SEC24D: variants seen among roughly 807,000 people sequenced by gnomAD.
The protein encoded by SEC24D is protein transport protein Sec24D.
In SEC24D, 69 loss-of-function variants were observed where a neutral mutation model predicts 116.9. The observed-to-expected ratio is 0.59, with a 90% CI of 0.49 to 0.72. The LOEUF (loss-of-function observed/expected upper bound fraction) is 0.72. SEC24D is among the 30% of genes least tolerant of loss of function. The probability of loss-of-function intolerance (pLI) is 0.00; values close to 1 mark genes in which losing one functional copy is unlikely to be tolerated. For missense variants in SEC24D, 1,131 were observed against 1,264.1 expected (o/e 0.89, Z 1.60); for synonymous variants, 405 against 442.8 (o/e 0.91, Z 1.07).
At chr4:118,834,478 T>C (rs1374951765) in intron 1 of SEC24D, among the ~76,000 whole-genome samples, 5 of 151,726 alleles carry the variant, frequency 3.3e-5, no homozygotes, top group Non-Finnish European at 7.4e-5. Context: ...AACAGACTCA[T>C]CTTGATTTTT....
At chr4:118,746,730 C>G (rs906835148) in intron 13 of SEC24D, among the ~76,000 whole-genome samples, 13 of 152,116 alleles carry the variant, frequency 8.5e-5, no homozygotes, top group Non-Finnish European at 1.6e-4. Flanking sequence ...TGCAAAGGCA[C>G]AGTGTGCCTG....
Position 118,794,339 on chromosome 4 carries a change from T to C in SEC24D, c.1041+3344A>G, listed in dbSNP as rs145032169. ...GGGTGTGAACAATTGCTGAGTTTTG[T>C]TCTATTTCATGCATATTTGACCCAG... On this transcript the variant is annotated intron_variant, in intron 8 of 22. Transcript: ENST00000280551. Among the ~76,000 whole-genome samples, 757 of 152,268 alleles carry C rather than the reference T, an allele frequency of 5.0e-3. 5 individuals carry two copies. Among genetic ancestry groups the C allele is most frequent in the African/African-American group, 0.017 (726 of 41,536 alleles).
At chr4:118,731,719 G>A (rs571666968) in intron 20 of SEC24D, among the ~76,000 whole-genome samples, 5 of 152,220 alleles carry the variant, frequency 3.3e-5, no homozygotes, top group Admixed American at 1.3e-4. Context: ...CATAAAATAA[G>A]TAAAATATAC....
intron 6 of SEC24D, among the ~76,000 whole-genome samples, chr4:118,809,193 C>T (rs1226891759): frequency 2.0e-5 from 3 of 151,872 alleles, no homozygotes; most frequent in African/African-American, 7.3e-5. Context: ...AGGATGGTCT[C>T]GATCTCCTGA....
chr4:118,780,916 T>A (rs1046583830), intron 8 of SEC24D, among the ~76,000 whole-genome samples: 2 of 137,130 alleles, frequency 1.5e-5, no homozygotes, highest in Non-Finnish European at 3.1e-5. Flanking sequence ...GCTTTTTTTT[T>A]TTTTTTTTTT....
intron 15 of SEC24D, among the ~76,000 whole-genome samples, chr4:118,743,280 G>C (rs555832915): frequency 6.6e-6 from 1 of 151,898 alleles, no homozygotes; most frequent in East Asian, 1.9e-4. Context: ...GGATGAATGA[G>C]CTCATTCTAT....
At chr4:118,743,873 T>G (rs1350965333) in intron 15 of SEC24D, 115 bp downstream of exon 15, 5 of 940,126 alleles carry the variant, frequency 5.3e-6, no homozygotes, top group Admixed American at 2.9e-5. Flanking sequence ...CATCTGCTCT[T>G]GAATTTATAT....
chr4:118,826,195 AT>A (rs1468777664), intron 2 of SEC24D, among the ~76,000 whole-genome samples: 6 of 152,178 alleles, frequency 3.9e-5, no homozygotes, highest in African/African-American at 1.4e-4. Context: ...CTACACTTTA[AT>A]ACAAAGTTCT....
rs760295849 is a variant in SEC24D, at chr4:118,833,599, G to A, written c.98C>T (p.Ser33Leu). The change falls in exon 2 of 23, where the codon TCG (serine) becomes TTG (leucine). Residue 33 changes from serine (S) to leucine (L), a missense_variant. Transcript: ENST00000280551. ...PPHYGHYGDP[S>L]HTASPTGMMK... The stretch of plus-strand genomic sequence containing the variant: ...TGTACCTGTTGGAGATGCTGTGTGC[G>A]ACGGATCCCCATAGTGCCCATAATG... 1.9e-6 allele frequency: 3 copies of A among 1,612,712 alleles called. No individual in the cohort carries two copies. The highest frequency in any genetic ancestry group is 3.3e-5 in the Admixed American group (2 of 59,954).
chr4:118,817,242 A>G, intron 4 of SEC24D, 22 bp downstream of exon 4: 2 of 1,576,566 alleles, frequency 1.3e-6, no homozygotes, highest in Non-Finnish European at 1.7e-6. Context: ...CAGTCAATAA[A>G]CACTAATAAT....
chr4:118,829,584 G>A (rs781071350), intron 2 of SEC24D, among the ~76,000 whole-genome samples: 4 of 152,110 alleles, frequency 2.6e-5, no homozygotes, highest in African/African-American at 4.8e-5. Context: ...AGGCCGAGGC[G>A]GGTGGATTAC....
chr4:118,757,636 A>G, intron 11 of SEC24D, 85 bp downstream of exon 11: 10 of 1,305,440 alleles, frequency 7.7e-6, no homozygotes, highest in Non-Finnish European at 9.6e-6. Flanking sequence ...AAAAAAATCA[A>G]TTGGTCATTC....
chr4:118,806,255 G>A (rs913157692), intron 6 of SEC24D, among the ~76,000 whole-genome samples: 2 of 152,124 alleles, frequency 1.3e-5, no homozygotes, highest in Non-Finnish European at 2.9e-5. Flanking sequence ...ATCTGACAAC[G>A]TGACCCTTCA....
rs1258440944 is a variant in SEC24D, at chr4:118,805,865, T to G, written c.891A>C (p.Thr297=). 1.9e-6 allele frequency: 3 copies of G among 1,574,276 alleles called. No homozygotes were observed. In the African/African-American group the frequency reaches 4.1e-5, roughly 22 times the overall value. Residue 297 remains threonine (T), a synonymous_variant, in exon 7 of 23, where the codon ACA becomes ACC. Coordinates refer to ENST00000280551, the MANE Select transcript of SEC24D (RefSeq NM_014822.4). ...TACCTTGGTCTTGTATCATGCAATC[T>G]GTAGTGACCAGGGGAGGGATCTGGC... ...TRGQIPPLVT[T]DCMIQDQGNA... is the part of the protein sequence containing the mutation.
Position 118,817,308 on chromosome 4 carries a change from G to C in SEC24D, c.353C>G (p.Thr118Ser), listed in dbSNP as rs768064794. 5.0e-6 allele frequency: 8 copies of C among 1,613,548 alleles called. No homozygotes were observed. The Admixed American group carries it at 6.7e-5, about 13-fold the overall frequency. Residue 118 changes from threonine to serine, a missense_variant, in exon 4 of 23, where the codon ACC becomes AGC. Coordinates refer to ENST00000280551, the MANE Select transcript of SEC24D (RefSeq NM_014822.4). ...AGCACTGAGCTGGCTGCCCAGCTGG[G>C]TGACAGATGAAGTGGATATAGGACC... ...YPGPISTSSV[T>S]QLGSQLSAMQ...
intron 6 of SEC24D, among the ~76,000 whole-genome samples, chr4:118,814,757 T>C (rs1560744421): frequency 6.6e-6 from 1 of 151,984 alleles, no homozygotes; most frequent in Non-Finnish European, 1.5e-5. Flanking sequence ...AATGTAAACA[T>C]TGTAGACACT....
At chr4:118,767,269 C>T (rs187111233) in intron 9 of SEC24D, among the ~76,000 whole-genome samples, 4 of 152,278 alleles carry the variant, frequency 2.6e-5, no homozygotes, top group Admixed American at 1.3e-4. Context: ...CTCACAGAGC[C>T]AAGATGCCAT....
intron 8 of SEC24D, among the ~76,000 whole-genome samples, chr4:118,795,758 G>A (rs1465566317): frequency 6.6e-6 from 1 of 152,174 alleles, no homozygotes; most frequent in Admixed American, 6.5e-5. Flanking sequence ...AGGGAAGGGA[G>A]GTTATGTGAA....
intron 10 of SEC24D, among the ~76,000 whole-genome samples, chr4:118,764,152 G>C (rs935728364): frequency 3.2e-4 from 48 of 152,132 alleles, no homozygotes; most frequent in African/African-American, 1.2e-3. Flanking sequence ...AGACAGCTGA[G>C]GTGATAGTTT....
Sources: allele counts gnomAD v4.1 joint callset (sites outside exome capture counted in the v4.1 genomes callset), GRCh38; gene constraint gnomAD v4.1.1; transcripts MANE v1.5; gene names NCBI Gene and HGNC (gene_info 2026-07-23, HGNC 2026-07-21).